Variants in CIB4 observed in about 807,000 individuals in gnomAD.
The protein encoded by CIB4 is calcium and integrin binding family member 4.
Under a neutral mutation model 25.8 loss-of-function variants are expected in CIB4, and 25 were observed. That is an observed-to-expected ratio of 0.97 (90% CI 0.71 to 1.35). The LOEUF is 1.35. Among genes scored for constraint, CIB4 ranks in the 40% most tolerant of loss-of-function variants. The pLI is 0.00. For missense variants in CIB4, 235 were observed against 228.2 expected (o/e 1.03, Z -0.19); for synonymous variants, 75 against 81.4 (o/e 0.92, Z 0.42).
At chr2:26,626,400 CAAAAAA>C (rs34258205) in intron 3 of CIB4, among the ~76,000 whole-genome samples, 1 of 127,568 alleles carries the variant, frequency 7.8e-6, no homozygotes. Flanking sequence ...AAGCAACATA[CAAAAAA>C]AAAAAAAAAA....
chr2:26,618,717 G>A (rs1252988066), intron 3 of CIB4, among the ~76,000 whole-genome samples: 1 of 152,196 alleles, frequency 6.6e-6, no homozygotes, highest in East Asian at 1.9e-4. Context: ...GTACTCCGAG[G>A]GCCTGGTCCT....
Position 26,641,246 on chromosome 2 carries a change from G to C in CIB4, c.54+15C>G, listed in dbSNP as rs1186841520. On this transcript the variant is annotated intron_variant, in intron 1 of 6. Coordinates refer to ENST00000288861, the MANE Select transcript of CIB4 (RefSeq NM_001029881.3). ...CTCCCACCTCTGCCCAGAGTCCCTA[G>C]CCCGATCTACCCACCTGGTACTCTT... 3.1e-6 allele frequency: 5 copies of C among 1,607,806 alleles called. No individual in the cohort carries two copies. In the African/African-American group the frequency reaches 5.4e-5, roughly 17 times the overall value.
chr2:26,604,370 AC>A (rs1319547915), intron 3 of CIB4, among the ~76,000 whole-genome samples: 1 of 152,172 alleles, frequency 6.6e-6, no homozygotes, highest in Non-Finnish European at 1.5e-5. Context: ...ACAGAGCAAG[AC>A]CCTGTTTAAA....
chr2:26,604,140 G>A (rs1291243686), intron 3 of CIB4, among the ~76,000 whole-genome samples: 1 of 152,134 alleles, frequency 6.6e-6, no homozygotes, highest in Admixed American at 6.5e-5. Flanking sequence ...AACACTTTGG[G>A]AGGCAGAGGC....
chr2:26,611,506 A>G (rs1458585005), intron 3 of CIB4, among the ~76,000 whole-genome samples: 1 of 152,202 alleles, frequency 6.6e-6, no homozygotes, highest in Non-Finnish European at 1.5e-5. Flanking sequence ...AGTTTCCCCT[A>G]TGAGGCATAA....
Position 26,595,331 on chromosome 2 carries a change from G to A in CIB4, c.187-14C>T, listed in dbSNP as rs757087764. On this transcript the variant is annotated splice_polypyrimidine_tract_variant and intron_variant, in intron 3 of 6. Transcript: ENST00000288861. ...GAAAGGGTTGACCTGTGGGCGACAG[G>A]AGGAGCAGGGAGGAGGTCTATCAGG... 25 of 1,607,288 alleles carry A rather than the reference G, an allele frequency of 1.6e-5. No homozygotes were observed. The East Asian group carries it at 4.7e-4, about 30-fold the overall frequency.
At chr2:26,593,464 C>A (rs7563875) in intron 4 of CIB4, among the ~76,000 whole-genome samples, 20 of 152,062 alleles carry the variant, frequency 1.3e-4, no homozygotes, top group African/African-American at 4.6e-4. Flanking sequence ...CACTCACATA[C>A]ATATACACAT....
chr2:26,596,370 A>G (rs1450978948), intron 3 of CIB4, among the ~76,000 whole-genome samples: 2 of 152,236 alleles, frequency 1.3e-5, no homozygotes, highest in African/African-American at 4.8e-5. Flanking sequence ...CGGGTACTGC[A>G]GTCAGGAAGG....
At chr2:26,597,400 C>T (rs376486647) in intron 3 of CIB4, among the ~76,000 whole-genome samples, 44 of 151,296 alleles carry the variant, frequency 2.9e-4, no homozygotes, top group African/African-American at 1.0e-3. Flanking sequence ...CACATTTCCT[C>T]TCTTTGGATC....
chr2:26,610,429 A>T (rs1208951977), intron 3 of CIB4, among the ~76,000 whole-genome samples: 1 of 152,140 alleles, frequency 6.6e-6, no homozygotes, highest in Non-Finnish European at 1.5e-5. Context: ...TCTAAACCTA[A>T]GCAACTCAAA....
At chr2:26,626,374 C>T (rs1460530835) in intron 3 of CIB4, among the ~76,000 whole-genome samples, 2 of 135,854 alleles carry the variant, frequency 1.5e-5, no homozygotes, top group Non-Finnish European at 1.6e-5. Flanking sequence ...AAGAAAGAAA[C>T]CCAAGTAGAA....
intron 3 of CIB4, among the ~76,000 whole-genome samples, chr2:26,602,583 C>T (rs1668812949): frequency 1.3e-5 from 2 of 152,108 alleles, no homozygotes; most frequent in Admixed American, 1.3e-4. Flanking sequence ...TGGATAGATA[C>T]AAAATAAATA....
At chr2:26,633,379 G>T (rs918031860) in intron 2 of CIB4, among the ~76,000 whole-genome samples, 1 of 152,210 alleles carries the variant, frequency 6.6e-6, no homozygotes, top group Non-Finnish European at 1.5e-5. Flanking sequence ...TTTAAGTGTT[G>T]TATCTAAGGT....
intron 4 of CIB4, among the ~76,000 whole-genome samples, chr2:26,584,201 T>C (rs1231956812): frequency 1.3e-5 from 2 of 152,208 alleles, no homozygotes; most frequent in Non-Finnish European, 2.9e-5. Context: ...AAAAAGAAAC[T>C]GAGGCACAGA....
intron 3 of CIB4, among the ~76,000 whole-genome samples, chr2:26,600,817 G>A (rs1285389473): frequency 6.6e-6 from 1 of 152,122 alleles, no homozygotes; most frequent in Non-Finnish European, 1.5e-5. Context: ...AAGTTTTCCA[G>A]CCAGTCCATT....
intron 3 of CIB4, chr2:26,605,677 C>A: frequency 2.7e-6 from 1 of 372,872 alleles, no homozygotes. Context: ...ACAGACCCAA[C>A]AAGTGAGCAC....
At chr2:26,611,420 A>T (rs1463728452) in intron 3 of CIB4, among the ~76,000 whole-genome samples, 1 of 152,226 alleles carries the variant, frequency 6.6e-6, no homozygotes, top group Non-Finnish European at 1.5e-5. Context: ...GTCTCTAGTG[A>T]TGTGTCACAG....
intron 1 of CIB4, 26 bp from the exon 2 acceptor site, chr2:26,640,593 G>A (rs774260198): frequency 5.1e-5 from 82 of 1,608,914 alleles, no homozygotes; most frequent in Middle Eastern, 1.7e-4. Flanking sequence ...GAGAAGCGAC[G>A]TGTCCACTCC....
chr2:26,590,636 C>T (rs1235027566), intron 4 of CIB4, among the ~76,000 whole-genome samples: 2 of 152,176 alleles, frequency 1.3e-5, no homozygotes, highest in Non-Finnish European at 2.9e-5. Flanking sequence ...CGACTTACTA[C>T]GCAGGCTCAG....
Sources: gnomAD v4.1 joint callset for allele counts (sites outside exome capture counted in the v4.1 genomes callset) on GRCh38, gnomAD v4.1.1 for gene constraint, MANE v1.5 for transcripts, NCBI Gene and HGNC (gene_info 2026-07-23, HGNC 2026-07-21) for gene names.